The following CDH1 variants were observed in gnomAD, a reference collection of about 807,000 sequenced individuals.
CDH1 encodes the protein cadherin 1.
CDH1 carries 35 observed loss-of-function variants against 84.5 expected under a neutral mutation model. The observed-to-expected ratio is 0.41, with a 90% CI of 0.32 to 0.55. The LOEUF is 0.55. Ranked by LOEUF, CDH1 falls within the 20% of genes least tolerant of loss-of-function variation. The pLI, the probability that CDH1 is intolerant of heterozygous loss-of-function variation, is 0.19. For missense variants in CDH1, 994 were observed against 1,126.6 expected (o/e 0.88, Z 1.68); for synonymous variants, 417 against 439.0 (o/e 0.95, Z 0.63).
chr16:68,765,597 A>G (rs1380456064), intron 2 of CDH1: 2 of 152,140 alleles, frequency 1.3e-5, no homozygotes, highest in Non-Finnish European at 2.9e-5. Context: ...TTGATTCTAA[A>G]TGAAATCCCA....
At chr16:68,786,686 GC>G (rs919689365) in intron 2 of CDH1, among the ~76,000 whole-genome samples, 49 of 152,016 alleles carry the variant, frequency 3.2e-4, no homozygotes, top group African/African-American at 1.2e-3. Context: ...GGAAGCAGCT[GC>G]CTTTCCCATC....
chr16:68,813,472 G>A lies in CDH1; in HGVS notation c.1297G>A (p.Asp433Asn), dbSNP rs199886166. ...CGTCACCACAAATCCAGTGAACAAC[G>A]ATGGCATTTTGAAAACAGCAAAGGT... Reference protein sequence around the residue: ...FVVTTNPVNNDGILKTAKGLD... With the variant: ...FVVTTNPVNNNGILKTAKGLD... The change falls in exon 9 of 16, where the codon GAT becomes AAT. Residue 433 changes from aspartate (D) to asparagine (N), a missense_variant. Physicochemically the swap from Asp to Asn is conservative, Grantham distance 23. This residue lies in a region of CDH1 where 769 missense variants were observed against 881.8 expected (regional missense o/e 0.87). Coordinates refer to ENST00000261769, the MANE Select transcript of CDH1 (RefSeq NM_004360.5). 81 of 1,614,044 alleles carry A rather than the reference G, an allele frequency of 5.0e-5. 1 individual carries two copies. The highest frequency in any genetic ancestry group is 1.3e-4 in the East Asian group (6 of 44,890).
rs147977384 is a variant in CDH1, at chr16:68,755,574, C to T, written c.163+17163C>T. ...CCAGGCATTTTCTAGAGAAGGAATC[C>T]TGAGGGCTCATTTTCACATCTCCTT... On this transcript the variant is annotated intron_variant, in intron 2 of 15. Transcript: ENST00000261769. Among the ~76,000 whole-genome samples the T allele has an allele frequency of 5.3e-3, 804 of 151,742 alleles. 2 individuals carry two copies. Among genetic ancestry groups the T allele is most frequent in the Middle Eastern group, 0.01 (3 of 290 alleles).
In CDH1 at chr16:68,755,360, T is replaced by G. The variant is rs115022437; in HGVS notation, c.163+16949T>G. Among the ~76,000 whole-genome samples, 733 of 152,028 alleles carry G rather than the reference T, an allele frequency of 4.8e-3. 8 individuals are homozygous for G. The highest frequency in any genetic ancestry group is 0.017 in the African/African-American group (695 of 41,456). On this transcript the variant is annotated intron_variant, in intron 2 of 15. Transcript: ENST00000261769. Reference sequence around the variant, plus strand: ...ACTTCTACATTCAAGTCTATATTCATGTCATTGAAAAAGACTGTTCTCTAG... The same window carrying G: ...ACTTCTACATTCAAGTCTATATTCAGGTCATTGAAAAAGACTGTTCTCTAG...
intron 11 of CDH1, among the ~76,000 whole-genome samples, chr16:68,821,289 A>G (rs2152137798): frequency 6.6e-6 from 1 of 152,106 alleles, no homozygotes; most frequent in Admixed American, 6.6e-5. Flanking sequence ...CCTGAGCAAC[A>G]TGATAAGACC....
chr16:68,748,869 C>T (rs1001596433), intron 2 of CDH1, among the ~76,000 whole-genome samples: 10 of 152,192 alleles, frequency 6.6e-5, no homozygotes, highest in Non-Finnish European at 1.2e-4. Context: ...GACGGAGTCT[C>T]GCTCTTGTCG....
chr16:68,805,021 T>C (rs567995092), intron 3 of CDH1, among the ~76,000 whole-genome samples: 51 of 82,474 alleles, frequency 6.2e-4, no homozygotes, highest in African/African-American at 2.5e-3. Flanking sequence ...TTTTTTTTTG[T>C]AGAGATAGGG....
intron 2 of CDH1, among the ~76,000 whole-genome samples, chr16:68,766,826 C>T (rs1341377192): frequency 6.6e-6 from 1 of 151,846 alleles, no homozygotes. Flanking sequence ...CTCCTGGGTT[C>T]AAGCAATCCT....
chr16:68,738,963 T>A lies in CDH1; in HGVS notation c.163+552T>A, dbSNP rs1597839219. On this transcript the variant is annotated intron_variant, in intron 2 of 15. Coordinates refer to ENST00000261769, the MANE Select transcript of CDH1 (RefSeq NM_004360.5). ...TTTTTTTTTTTTTTTTTTTTTTTTT[T>A]TAAAGACAGGGTCTTGCTCTGTTGC... Among the ~76,000 whole-genome samples the A allele has an allele frequency of 2.3e-5, 3 of 132,122 alleles. No homozygotes were observed. In the South Asian group the frequency reaches 8.0e-4, roughly 35 times the overall value. 86.7% of individuals were successfully genotyped at this position (132,122 alleles called of 152,430 possible). A position where few individuals can be genotyped will look rare whatever the true frequency, so the allele number is the denominator to read the frequency against.
At chr16:68,744,729 C>A (rs555972274) in intron 2 of CDH1, among the ~76,000 whole-genome samples, 1 of 152,276 alleles carries the variant, frequency 6.6e-6, no homozygotes, top group South Asian at 2.1e-4. Context: ...GACTTAGTTT[C>A]CCTCTCTGTA....
intron 3 of CDH1, among the ~76,000 whole-genome samples, chr16:68,803,569 T>G (rs1487500776): frequency 6.6e-6 from 1 of 152,094 alleles, no homozygotes; most frequent in Non-Finnish European, 1.5e-5. Context: ...GGCTGATTTT[T>G]GGATTTTAGT....
chr16:68,752,055 A>C (rs1471186024), intron 2 of CDH1, among the ~76,000 whole-genome samples: 1 of 150,048 alleles, frequency 6.7e-6, no homozygotes, highest in African/African-American at 2.5e-5. Context: ...GGGTTCAAGC[A>C]ATTCTCCTGT....
chr16:68,828,524 T>A (rs145144453), intron 14 of CDH1, among the ~76,000 whole-genome samples: 1 of 152,292 alleles, frequency 6.6e-6, no homozygotes, highest in African/African-American at 2.4e-5. Context: ...TGCACCTCAG[T>A]GAGCGAGCTG....
chr16:68,755,205 G>A (rs143461265), intron 2 of CDH1, among the ~76,000 whole-genome samples: 21 of 149,888 alleles, frequency 1.4e-4, no homozygotes, highest in Admixed American at 3.4e-4. Context: ...GAGCCTGGGA[G>A]GTTGAAGCTG....
chr16:68,811,643 G>A (rs2152131822), intron 6 of CDH1, 41 bp from the exon 7 acceptor site: 2 of 1,592,996 alleles, frequency 1.3e-6, no homozygotes, highest in South Asian at 1.1e-5. Context: ...CAGTCCCAAA[G>A]TGCAGCTTGT....
chr16:68,772,159 C>T (rs569943353), intron 2 of CDH1, among the ~76,000 whole-genome samples: 2 of 152,304 alleles, frequency 1.3e-5, no homozygotes, highest in East Asian at 3.9e-4. Flanking sequence ...GTCTAGGCTC[C>T]TTATCTCAAA....
rs2152144472 is a variant in CDH1 at position 68,833,860 on chromosome 16, G to A, written c.*361G>A. ...ATTTTGTCTCACTTTTAAAAAGAAGGGGAGAAGTCAGCTACTCTAGTTCTG... is the reference window on the plus strand; with the variant it reads ...ATTTTGTCTCACTTTTAAAAAGAAGAGGAGAAGTCAGCTACTCTAGTTCTG... On this transcript the variant is annotated 3_prime_UTR_variant, in exon 16 of 16. Transcript: ENST00000261769. 1 of 384,042 alleles carries A rather than the reference G, an allele frequency of 2.6e-6. No homozygotes were observed. The highest frequency in any genetic ancestry group is 4.4e-5 in the East Asian group (1 of 22,524). 23.8% of individuals were successfully genotyped at this position (384,042 alleles called of 1,614,324 possible).
intron 13 of CDH1, among the ~76,000 whole-genome samples, chr16:68,824,374 T>C (rs34158803): frequency 2.1e-3 from 325 of 152,254 alleles, no homozygotes; most frequent in Non-Finnish European, 3.9e-3. Context: ...TAGCAAGACC[T>C]TGGGGGCTGC....
chr16:68,829,154 G>A (rs748075079), intron 14 of CDH1, among the ~76,000 whole-genome samples: 39 of 152,318 alleles, frequency 2.6e-4, no homozygotes, highest in Non-Finnish European at 4.6e-4. Flanking sequence ...GGGCTCAGCA[G>A]ATTTAGGCAG....
Sources: gnomAD v4.1 joint callset for allele counts (sites outside exome capture counted in the v4.1 genomes callset) on GRCh38, gnomAD v4.1.1 for gene constraint, gnomAD v4.1.1 regional missense constraint, MANE v1.5 for transcripts, NCBI Gene and HGNC (gene_info 2026-07-23, HGNC 2026-07-21) for gene names.